Variants in SELENOF observed in about 807,000 individuals in gnomAD.
The protein encoded by SELENOF is 15 kDa selenoprotein.
In SELENOF, 16 loss-of-function variants were observed where a neutral mutation model predicts 20.5. That is an observed-to-expected ratio of 0.78 (90% CI 0.53 to 1.19). The LOEUF (loss-of-function observed/expected upper bound fraction) is 1.19. SELENOF is among the 50% of genes most tolerant of loss of function. The pLI, the probability that SELENOF is intolerant of heterozygous loss-of-function variation, is 0.00. For synonymous variants in SELENOF, 78 were observed against 74.5 expected (o/e 1.05, Z -0.24); for missense variants, 215 against 194.2 (o/e 1.11, Z -0.64).
chr1:86,870,415 C>G (rs1658730998), intron 3 of SELENOF, among the ~76,000 whole-genome samples: 1 of 152,138 alleles, frequency 6.6e-6, no homozygotes, highest in African/African-American at 2.4e-5. Context: ...CAAAAATGAT[C>G]TTATGATTTT....
chr1:86,877,909 A>G (rs968551728), intron 3 of SELENOF, among the ~76,000 whole-genome samples: 21 of 152,312 alleles, frequency 1.4e-4, no homozygotes, highest in East Asian at 3.9e-4. Context: ...CTAGTCCTTT[A>G]TAGAAAGTTT....
intron 2 of SELENOF, among the ~76,000 whole-genome samples, chr1:86,898,991 G>C (rs1393086205): frequency 6.6e-6 from 1 of 151,836 alleles, no homozygotes; most frequent in Admixed American, 6.6e-5. Flanking sequence ...TGACTCTTAA[G>C]GAGCATGCCG....
rs181498500 is a variant in SELENOF at position 86,908,613 on chromosome 1, A to T, written c.85-5165T>A. Among the ~76,000 whole-genome samples the T allele has an allele frequency of 3.3e-5, 5 of 152,338 alleles. No homozygotes were observed. The East Asian group carries it at 7.7e-4, about 23-fold the overall frequency. ...CACCATTATCGTATGTACCACTAAT[A>T]ACAAAAGCACCAACGATTTTAACTG... is the stretch of plus-strand genomic sequence containing the variant. On this transcript the variant is annotated intron_variant, in intron 1 of 4. Transcript: ENST00000331835.
chr1:86,869,570 T>TG (rs1261537304), intron 3 of SELENOF, among the ~76,000 whole-genome samples: 2 of 152,164 alleles, frequency 1.3e-5, no homozygotes, highest in African/African-American at 4.8e-5. Context: ...GGCCTATACA[T>TG]GGGGCATTTA....
chr1:86,908,421 T>C (rs1659886042), intron 1 of SELENOF, among the ~76,000 whole-genome samples: 1 of 152,228 alleles, frequency 6.6e-6, no homozygotes, highest in African/African-American at 2.4e-5. Context: ...AAAAAGGTAT[T>C]GTTATCACCA....
At position 86,863,176 on chromosome 1, in the gene SELENOF, C is replaced by G. The variant is rs1189112791; in HGVS notation, c.*298G>C. The G allele has an allele frequency of 2.0e-5, 5 of 245,558 alleles. No homozygotes were observed. The highest frequency in any genetic ancestry group is 3.9e-5 in the Non-Finnish European group (5 of 127,760). 15.2% of individuals were successfully genotyped at this position (245,558 alleles called of 1,614,324 possible). The stretch of plus-strand genomic sequence containing the variant: ...ATTTAGAAATCTGTTGTTCGTAAAA[C>G]TGGACCAATTATCACAAACTATCAT... On this transcript the variant is annotated 3_prime_UTR_variant, in exon 5 of 5. Coordinates refer to ENST00000331835, the MANE Select transcript of SELENOF (RefSeq NM_004261.5).
intron 2 of SELENOF, chr1:86,887,224 G>A (rs551564257): frequency 3.2e-5 from 49 of 1,528,038 alleles, no homozygotes; most frequent in East Asian, 5.1e-5. Context: ...AAAAATCAGC[G>A]TTATAATTTT....
chr1:86,891,774 T>C (rs1393224090), intron 2 of SELENOF, among the ~76,000 whole-genome samples: 1 of 152,190 alleles, frequency 6.6e-6, no homozygotes, highest in African/African-American at 2.4e-5. Context: ...AAGATCTCTA[T>C]GCCTAAGACT....
chr1:86,914,307 G>A (rs1660080071), upstream of SELENOF: 1 of 599,980 alleles, frequency 1.7e-6, no homozygotes, highest in Non-Finnish European at 3.0e-6. Flanking sequence ...CCCAAATCAG[G>A]CACTTGCCTA....
intron 3 of SELENOF, among the ~76,000 whole-genome samples, chr1:86,869,761 CTTTT>C (rs962983621): frequency 4.1e-5 from 6 of 147,166 alleles, no homozygotes; most frequent in Non-Finnish European, 7.5e-5. Flanking sequence ...TTCTTTCTTT[CTTTT>C]TTTGAGACGG....
At chr1:86,879,536 A>G (rs1332985152) in intron 3 of SELENOF, among the ~76,000 whole-genome samples, 2 of 152,242 alleles carry the variant, frequency 1.3e-5, no homozygotes, top group African/African-American at 4.8e-5. Flanking sequence ...ATGTGCTAAT[A>G]CAGGCAATGT....
Position 86,863,598 on chromosome 1 carries a change from C to A in SELENOF, c.374G>T (p.Arg125Leu), listed in dbSNP as rs761918119. 1.2e-6 allele frequency: 2 copies of A among 1,612,884 alleles called. No homozygotes were observed. Among genetic ancestry groups the A allele is most frequent in the Non-Finnish European group, 1.7e-6 (2 of 1,179,500 alleles). ...LFRGLQIKYV[R>L]GSDPVLKLLD... Reference sequence around the variant, plus strand: ...AAGCTTTAATACAGGGTCTGAACCACGGACATACTACAAAAAAGAGGGACG... The same window carrying A: ...AAGCTTTAATACAGGGTCTGAACCAAGGACATACTACAAAAAAGAGGGACG... Residue 125 changes from arginine to leucine, a missense_variant, in exon 5 of 5, where the codon CGT becomes CTT. Coordinates refer to ENST00000331835, the MANE Select transcript of SELENOF (RefSeq NM_004261.5).
chr1:86,887,101 T>C (rs1570389845), intron 2 of SELENOF: 2 of 1,460,180 alleles, frequency 1.4e-6, no homozygotes. Flanking sequence ...TTAAATTTGC[T>C]GTTCATCTTC....
intron 3 of SELENOF, among the ~76,000 whole-genome samples, chr1:86,871,545 A>G (rs501506): frequency 0.04 from 6,132 of 152,298 alleles, 150 homozygotes; most frequent in African/African-American, 0.064. Context: ...GTAAACTGAA[A>G]AAGTATAATA....
At chr1:86,914,337 T>C (rs1211338110), upstream of SELENOF, 19 of 575,358 alleles carry the variant, frequency 3.3e-5, no homozygotes, top group Non-Finnish European at 3.7e-5. Flanking sequence ...CTTCTTTACT[T>C]CTGCGGTCTC....
At chr1:86,900,584 G>C (rs1380845856) in intron 2 of SELENOF, among the ~76,000 whole-genome samples, 3 of 152,002 alleles carry the variant, frequency 2.0e-5, no homozygotes, top group African/African-American at 4.8e-5. Context: ...CGTGGAAAGA[G>C]AGGGAGAGGG....
chr1:86,895,274 C>T (rs557676336), intron 2 of SELENOF, among the ~76,000 whole-genome samples: 2 of 152,120 alleles, frequency 1.3e-5, no homozygotes, highest in East Asian at 3.9e-4. Flanking sequence ...TTTCTTTTAC[C>T]CTACTTTGTC....
intron 1 of SELENOF, among the ~76,000 whole-genome samples, chr1:86,906,771 G>A (rs1342876675): frequency 6.6e-6 from 1 of 152,148 alleles, no homozygotes; most frequent in African/African-American, 2.4e-5. Context: ...TCATAGAACA[G>A]ACAAGCCATC....
At chr1:86,887,453 A>G (rs486568) in intron 2 of SELENOF, among the ~76,000 whole-genome samples, 17,607 of 152,134 alleles carry the variant, frequency 0.12, 1,634 homozygotes, top group African/African-American at 0.25. Flanking sequence ...GAAAAGTTAT[A>G]AAACAAGCAA....
Sources: allele counts gnomAD v4.1 joint callset (sites outside exome capture counted in the v4.1 genomes callset), GRCh38; gene constraint gnomAD v4.1.1; transcripts MANE v1.5; gene names NCBI Gene and HGNC (gene_info 2026-07-23, HGNC 2026-07-21).